The following FRRS1L variants were observed in gnomAD, a reference collection of about 807,000 sequenced individuals.
The protein encoded by FRRS1L is ferric chelate reductase 1 like.
In FRRS1L, 22 loss-of-function variants were observed where a neutral mutation model predicts 28.6. The observed-to-expected ratio is 0.77, with a 90% CI of 0.55 to 1.10. FRRS1L has a LOEUF of 1.10. Ranked by LOEUF, FRRS1L falls within the 50% of genes least tolerant of loss-of-function variation. The probability of loss-of-function intolerance (pLI) is 0.00; values close to 1 mark genes in which losing one functional copy is unlikely to be tolerated. For missense variants in FRRS1L, 380 were observed against 386.9 expected (o/e 0.98, Z 0.15); for synonymous variants, 158 against 151.4 (o/e 1.04, Z -0.32).
rs1295212244 is a variant in FRRS1L at position 109,132,269 on chromosome 9, C to G, written c.*5186G>C. The G allele has an allele frequency of 6.6e-6, 1 of 152,206 alleles. No homozygotes were observed. Among genetic ancestry groups the G allele is most frequent in the African/African-American group, 2.4e-5 (1 of 41,434 alleles). 9.4% of individuals were successfully genotyped at this position (152,206 alleles called of 1,614,324 possible). A position where few individuals can be genotyped will look rare whatever the true frequency, so the allele number is the denominator to read the frequency against. The stretch of plus-strand genomic sequence containing the variant: ...GGATTACAGGCTTGAGCCACCGCGC[C>G]CGGCCGATACAACTTTTTAAAACAT... On this transcript the variant is annotated 3_prime_UTR_variant, in exon 5 of 5. Coordinates refer to ENST00000561981, the MANE Select transcript of FRRS1L (RefSeq NM_014334.4).
At chr9:109,137,709 A>G (rs1035706861) in intron 4 of FRRS1L, 82 bp from the exon 5 acceptor site, 11 of 882,688 alleles carry the variant, frequency 1.2e-5, no homozygotes, top group Non-Finnish European at 1.5e-5. Flanking sequence ...GGAAAAATCA[A>G]AAGTCTATTT....
intron 4 of FRRS1L, chr9:109,139,970 C>A (rs1414179440): frequency 6.6e-6 from 1 of 152,248 alleles, no homozygotes; most frequent in Non-Finnish European, 1.5e-5. Flanking sequence ...ACCACACTCA[C>A]TTCCATTCTT....
At chr9:109,143,343 T>C (rs1222107847) in intron 3 of FRRS1L, among the ~76,000 whole-genome samples, 3 of 151,836 alleles carry the variant, frequency 2.0e-5, no homozygotes, top group Non-Finnish European at 2.9e-5. Context: ...CAAAAAAAAG[T>C]GTTAATCAGT....
chr9:109,153,514 C>T (rs2077000381), intron 1 of FRRS1L, among the ~76,000 whole-genome samples: 3 of 152,206 alleles, frequency 2.0e-5, no homozygotes, highest in Admixed American at 2.0e-4. Flanking sequence ...TTTTCATTGA[C>T]TGTTCCTGAG....
At chr9:109,161,904 G>T (rs945730579) in intron 1 of FRRS1L, among the ~76,000 whole-genome samples, 1 of 152,204 alleles carries the variant, frequency 6.6e-6, no homozygotes, top group African/African-American at 2.4e-5. Flanking sequence ...AAGGTGTAAA[G>T]TTCCACACAG....
intron 1 of FRRS1L, among the ~76,000 whole-genome samples, chr9:109,156,224 C>T (rs571399098): frequency 8.5e-5 from 13 of 152,242 alleles, no homozygotes; most frequent in African/African-American, 2.9e-4. Context: ...CACTCTTTCC[C>T]TTGATTGGTC....
intron 1 of FRRS1L, among the ~76,000 whole-genome samples, chr9:109,157,129 G>A (rs940617199): frequency 6.6e-6 from 1 of 152,024 alleles, no homozygotes. Context: ...TTAACATATA[G>A]GTTAATATTG....
intron 2 of FRRS1L, chr9:109,147,763 C>T (rs1425809517): frequency 1.3e-5 from 2 of 152,722 alleles, no homozygotes; most frequent in South Asian, 2.1e-4. Context: ...TAAATTTCTG[C>T]TTATGTGCAT....
intron 1 of FRRS1L, among the ~76,000 whole-genome samples, chr9:109,166,271 G>C (rs1831547298): frequency 6.6e-6 from 1 of 152,158 alleles, no homozygotes; most frequent in Admixed American, 6.5e-5. Context: ...CTCCCAGTCT[G>C]CGGGCCCAGC....
rs1258255773 is a variant in FRRS1L, at chr9:109,149,862, T to C, written c.239-142A>G. On this transcript the variant is annotated intron_variant, in intron 1 of 4. Coordinates refer to ENST00000561981, the MANE Select transcript of FRRS1L (RefSeq NM_014334.4). ...AGAAAATGGCTTTGATGAAGGCTAA[T>C]CATCCCCTTCATGGGGGAGGGTGTA... The C allele has an allele frequency of 6.3e-6, 4 of 636,114 alleles. No individual in the cohort carries two copies. The Admixed American group carries it at 1.0e-4, about 17-fold the overall frequency. The allele number at this position is 636,114 out of a possible 1,614,324, so 39.4% of individuals were successfully genotyped here. A position where few individuals can be genotyped will look rare whatever the true frequency, so the allele number is the denominator to read the frequency against.
chr9:109,135,626 T>C lies in FRRS1L; in HGVS notation c.*1829A>G, dbSNP rs1244391093. 1.3e-5 allele frequency: 2 copies of C among 152,058 alleles called. No homozygotes were observed. Among genetic ancestry groups the C allele is most frequent in the Non-Finnish European group, 2.9e-5 (2 of 68,084 alleles). The allele number at this position is 152,058 out of a possible 1,614,324, so 9.4% of individuals were successfully genotyped here. A position where few individuals can be genotyped will look rare whatever the true frequency, so the allele number is the denominator to read the frequency against. ...CCACCACACCCGGCTAATTTTTGTATTTTTAGTGGAGACAAGGTTTTGCCA... is the reference window on the plus strand; with the variant it reads ...CCACCACACCCGGCTAATTTTTGTACTTTTAGTGGAGACAAGGTTTTGCCA... On this transcript the variant is annotated 3_prime_UTR_variant, in exon 5 of 5. Transcript: ENST00000561981.
chr9:109,139,347 C>G (rs1436995742), intron 4 of FRRS1L: 2 of 152,142 alleles, frequency 1.3e-5, no homozygotes, highest in African/African-American at 4.8e-5. Context: ...TCAGGTAAAG[C>G]AGGACCAGAT....
At chr9:109,161,849 C>A (rs984331635) in intron 1 of FRRS1L, among the ~76,000 whole-genome samples, 9 of 152,198 alleles carry the variant, frequency 5.9e-5, no homozygotes, top group South Asian at 4.1e-4. Context: ...TGTTCCTTCT[C>A]TTTTCAGGGT....
intron 3 of FRRS1L, among the ~76,000 whole-genome samples, chr9:109,142,819 T>TAAA: frequency 7.4e-6 from 1 of 135,422 alleles, no homozygotes; most frequent in Middle Eastern, 3.7e-3. Context: ...AAAATAAAAA[T>TAAA]AAAAAAAAAA....
chr9:109,142,085 T>C (rs570827679), intron 3 of FRRS1L, among the ~76,000 whole-genome samples: 31 of 152,140 alleles, frequency 2.0e-4, no homozygotes, highest in African/African-American at 7.5e-4. Flanking sequence ...TTGGGACAAG[T>C]AGCAACATAT....
In FRRS1L at chr9:109,136,185, A is replaced by T. The variant is rs998440627; in HGVS notation, c.*1270T>A. ...AGGCGGAGGTTGCAGTGAAGCTGAG[A>T]TCACACCATTGTACTCCAGCCTGGG... On this transcript the variant is annotated 3_prime_UTR_variant, in exon 5 of 5. Coordinates refer to ENST00000561981, the MANE Select transcript of FRRS1L (RefSeq NM_014334.4). 2 of 151,770 alleles carry T rather than the reference A, an allele frequency of 1.3e-5. No homozygotes were observed. Among genetic ancestry groups the T allele is most frequent in the African/African-American group, 2.4e-5 (1 of 41,260 alleles). 9.4% of individuals were successfully genotyped at this position (151,770 alleles called of 1,614,324 possible).
chr9:109,138,269 C>A (rs150728335), intron 4 of FRRS1L: 2 of 152,176 alleles, frequency 1.3e-5, no homozygotes, highest in South Asian at 4.1e-4. Context: ...ATTAAAGTAC[C>A]AAACTAGTCT....
chr9:109,138,065 T>C (rs1027905927), intron 4 of FRRS1L: 4 of 152,476 alleles, frequency 2.6e-5, no homozygotes, highest in Non-Finnish European at 4.4e-5. Flanking sequence ...CTATCTTGTA[T>C]ATATATGGAT....
intron 3 of FRRS1L, among the ~76,000 whole-genome samples, 173 bp downstream of exon 3, chr9:109,146,878 C>T (rs576873600): frequency 6.6e-6 from 1 of 152,336 alleles, no homozygotes; most frequent in African/African-American, 2.4e-5. Flanking sequence ...AGCTTGGATT[C>T]TGATAGCCAA....
Sources: allele counts gnomAD v4.1 joint callset (sites outside exome capture counted in the v4.1 genomes callset), GRCh38; gene constraint gnomAD v4.1.1; transcripts MANE v1.5; gene names NCBI Gene and HGNC (gene_info 2026-07-23, HGNC 2026-07-21).